HTR2C: variants seen among roughly 807,000 people sequenced by gnomAD.
The protein encoded by HTR2C is 5-hydroxytryptamine (serotonin) receptor 2C, G protein-coupled.
Under a neutral mutation model 21.0 loss-of-function variants are expected in HTR2C, and 5 were observed. The ratio of observed to expected loss-of-function variants is 0.24; its 90% CI spans 0.12 to 0.50. The LOEUF (loss-of-function observed/expected upper bound fraction) is 0.50, where lower values mean the gene tolerates loss of function less well. HTR2C is among the 20% of genes least tolerant of loss of function. The pLI, the probability that HTR2C is intolerant of heterozygous loss-of-function variation, is 0.98. For missense variants in HTR2C, 271 were observed against 371.2 expected (o/e 0.73, Z 2.22); for synonymous variants, 150 against 145.3 (o/e 1.03, Z -0.23).
At chrX:114,776,499 T>C (rs2070058417) in intron 4 of HTR2C, 3 of 552,388 alleles carry the variant, frequency 5.4e-6, no homozygotes, top group African/African-American at 4.6e-5. Context: ...TTCACCATCA[T>C]GAAGGGCCAA....
chrX:114,895,758 C>T (rs184750289), intron 5 of HTR2C, among the ~76,000 whole-genome samples: 43 of 111,303 alleles, frequency 3.9e-4, no homozygotes, highest in South Asian at 2.6e-3. Flanking sequence ...GAGGCTGAGG[C>T]GGGCGGATCA....
chrX:114,800,451 T>TCATCCTATCTGAAGGACATTTATGCCC (rs2070334590), intron 4 of HTR2C, among the ~76,000 whole-genome samples: 1 of 111,445 alleles, frequency 9.0e-6, no homozygotes, highest in Non-Finnish European at 1.9e-5. Flanking sequence ...TCTCAAATCA[T>TCATCCTATCTGAAGGACATTTATGCCC]CATCCTATCT....
chrX:114,894,605 TA>T (rs1383401188), intron 5 of HTR2C, among the ~76,000 whole-genome samples: 19 of 111,987 alleles, frequency 1.7e-4, no homozygotes, highest in African/African-American at 6.2e-4. Flanking sequence ...AAACCTCATG[TA>T]AATTTATACT....
chrX:114,626,227 A>AAATAATAAT (rs1556402786), intron 2 of HTR2C, among the ~76,000 whole-genome samples: 142 of 103,358 alleles, frequency 1.4e-3, no homozygotes, highest in African/African-American at 4.6e-3. Flanking sequence ...AAAAAAAAAA[A>AAATAATAAT]AATAATAAAA....
Position 114,907,493 on chromosome X carries a change from C to A in HTR2C, c.*78C>A. The A allele has an allele frequency of 1.3e-6, 1 of 743,468 alleles. No homozygotes were observed. The highest frequency in any genetic ancestry group is 2.6e-5 in the South Asian group (1 of 38,559). The allele number at this position is 743,468 out of a possible 1,213,427, so 61.3% of individuals were successfully genotyped here. On this transcript the variant is annotated 3_prime_UTR_variant, in exon 6 of 6. Transcript: ENST00000276198. ...TTTCTTCTTTAATTTTTCTGTTGGTCTTAACTAATGTAAATATTGCTGTCT... is the reference window on the plus strand; with the variant it reads ...TTTCTTCTTTAATTTTTCTGTTGGTATTAACTAATGTAAATATTGCTGTCT...
chrX:114,772,778 T>G (rs1043239565), intron 4 of HTR2C, among the ~76,000 whole-genome samples: 2 of 111,336 alleles, frequency 1.8e-5, no homozygotes, highest in Non-Finnish European at 3.8e-5. Flanking sequence ...ATAATATTAT[T>G]AAGCAAATCA....
chrX:114,779,162 G>A (rs1432737985), intron 4 of HTR2C, among the ~76,000 whole-genome samples: 1 of 111,012 alleles, frequency 9.0e-6, no homozygotes, highest in Non-Finnish European at 1.9e-5. Flanking sequence ...TAGATATCAG[G>A]ACAGTGGAAG....
intron 1 of HTR2C, chrX:114,589,799 A>C (rs12839941): frequency 0.15 from 44,636 of 301,951 alleles, 2,608 homozygotes; most frequent in South Asian, 0.26. Context: ...AAAAGCTAAA[A>C]CTACAAAGAA....
chrX:114,677,998 G>T (rs1393463032), intron 2 of HTR2C, among the ~76,000 whole-genome samples: 1 of 109,002 alleles, frequency 9.2e-6, no homozygotes, highest in East Asian at 2.9e-4. Flanking sequence ...AGATAAGATC[G>T]TTCAGTACTG....
At chrX:114,628,419 T>TTTC (rs1165790624) in intron 2 of HTR2C, among the ~76,000 whole-genome samples, 5 of 95,256 alleles carry the variant, frequency 5.2e-5, no homozygotes, top group Non-Finnish European at 1.0e-4. Flanking sequence ...TTTTTTTTTT[T>TTTC]TTTTTTTTTT....
At position 114,786,769 on chromosome X, in the gene HTR2C, T is replaced by A. The variant is rs5988131; in HGVS notation, c.349+55162T>A. Among the ~76,000 whole-genome samples, 770 of 111,780 alleles carry A rather than the reference T, an allele frequency of 6.9e-3. 4 individuals are homozygous for A. Among genetic ancestry groups the A allele is most frequent in the African/African-American group, 0.023 (714 of 30,776 alleles). On this transcript the variant is annotated intron_variant, in intron 4 of 5. Coordinates refer to ENST00000276198, the MANE Select transcript of HTR2C (RefSeq NM_000868.4). ...TTAAAAGTTCTGAGCCCAATTGGCC[T>A]GAAATCACATAGTCCAGTGTAACAG...
chrX:114,643,896 C>A (rs1418353434), intron 2 of HTR2C, among the ~76,000 whole-genome samples: 14 of 111,516 alleles, frequency 1.3e-4, no homozygotes, highest in Admixed American at 1.1e-3. Context: ...TGTTTTTGGT[C>A]ATTTTATTCC....
intron 4 of HTR2C, among the ~76,000 whole-genome samples, chrX:114,778,862 T>C (rs1446345248): frequency 9.0e-6 from 1 of 111,582 alleles, no homozygotes; most frequent in Non-Finnish European, 1.9e-5. Context: ...AAGTCAGCAA[T>C]AGAAAACATT....
At chrX:114,681,957 TA>T (rs1300610783) in intron 2 of HTR2C, among the ~76,000 whole-genome samples, 2 of 111,282 alleles carry the variant, frequency 1.8e-5, no homozygotes, top group East Asian at 5.7e-4. Context: ...ATGCATTCAA[TA>T]AAAATGAGAT....
At chrX:114,610,246 C>T (rs1371001440) in intron 1 of HTR2C, among the ~76,000 whole-genome samples, 1 of 111,529 alleles carries the variant, frequency 9.0e-6, no homozygotes, top group Non-Finnish European at 1.9e-5. Context: ...TTTTAATGCA[C>T]GGTAATGTGG....
rs1488870146 is a variant in HTR2C, at chrX:114,658,694, TA to T, written c.-80+44816del. Among the ~76,000 whole-genome samples, 7 of 110,649 alleles carry T rather than the reference TA, an allele frequency of 6.3e-5. No individual in the cohort carries two copies. In the East Asian group the frequency reaches 2.0e-3, roughly 32 times the overall value. On this transcript the variant is annotated intron_variant, in intron 2 of 5. Transcript: ENST00000276198. The stretch of plus-strand genomic sequence containing the variant: ...AAATATAAATAATTGAATCAGCAGA[TA>T]AAGGGGGGAGAGGAGGGATAACTCT...
chrX:114,889,147 A>G (rs1215922868), intron 5 of HTR2C, among the ~76,000 whole-genome samples: 1 of 112,073 alleles, frequency 8.9e-6, no homozygotes, highest in Non-Finnish European at 1.9e-5. Context: ...TTATTGTGGT[A>G]GTTATTGTTT....
At chrX:114,839,351 A>G (rs1314005060) in intron 4 of HTR2C, among the ~76,000 whole-genome samples, 1 of 112,006 alleles carries the variant, frequency 8.9e-6, no homozygotes, top group Non-Finnish European at 1.9e-5. Flanking sequence ...GGAAGATGCA[A>G]TTTCTGCCAG....
rs781912356 is a variant in HTR2C at position 114,904,848 on chromosome X, C to T, written c.551-1741C>T. On this transcript the variant is annotated intron_variant, in intron 5 of 5. Transcript: ENST00000276198. ...ATTACCTTACGTTTATGATTTTTCACATAAAGATTTAAACAACACAGTCTG... is the reference window on the plus strand; with the variant it reads ...ATTACCTTACGTTTATGATTTTTCATATAAAGATTTAAACAACACAGTCTG... Among the ~76,000 whole-genome samples the T allele has an allele frequency of 3.7e-5, 4 of 107,498 alleles. No individual in the cohort carries two copies. The South Asian group carries it at 1.7e-3, about 45-fold the overall frequency. The allele number at this position is 107,498 out of a possible 115,157, so 93.3% of individuals were successfully genotyped here.
Sources: allele counts gnomAD v4.1 joint callset (sites outside exome capture counted in the v4.1 genomes callset), GRCh38; gene constraint gnomAD v4.1.1; transcripts MANE v1.5; gene names NCBI Gene and HGNC (gene_info 2026-07-23, HGNC 2026-07-21).